Variants in LRRD1 observed in about 807,000 individuals in gnomAD.
The protein encoded by LRRD1 is leucine rich repeats and death domain containing 1, also known as leucine-rich repeat and death domain-containing protein 1.
A neutral mutation model predicts 69.5 loss-of-function variants in LRRD1; 49 were observed. That is an observed-to-expected ratio of 0.70 (90% CI 0.56 to 0.89). The LOEUF is 0.89. LRRD1 is among the 40% of genes least tolerant of loss of function. The pLI, the probability that LRRD1 is intolerant of heterozygous loss-of-function variation, is 0.00. For missense variants in LRRD1, 853 were observed against 956.0 expected, an observed-to-expected ratio of 0.89 and a Z score of 1.42; for synonymous variants, 303 against 338.9, an observed-to-expected ratio of 0.89 and a Z score of 1.16.
At chr7:92,143,306 G>T (rs1012195343), downstream of LRRD1, among the ~76,000 whole-genome samples, 2 of 152,118 alleles carry the variant, frequency 1.3e-5, no homozygotes, top group African/African-American at 2.4e-5. Flanking sequence ...GACTTCACCC[G>T]GTGGATCCCG....
In LRRD1 at chr7:92,144,999, A is replaced by G. The variant is rs1820281889; in HGVS notation, c.2472T>C (p.Thr824=). The change falls in exon 6 of 6, where the codon ACT becomes ACC. Residue 824 remains threonine (T), a synonymous_variant. Coordinates refer to ENST00000458448, the MANE Select transcript of LRRD1 (RefSeq NM_001161528.2). ...WKTQSNKLSL[T]AAALRDQLIR... ...TTAGTTGATCTCTTAAAGCAGCAGCAGTTAGTGATAACTTGTTACTTTGTG... is the reference window on the plus strand; with the variant it reads ...TTAGTTGATCTCTTAAAGCAGCAGCGGTTAGTGATAACTTGTTACTTTGTG... 17 of 1,542,098 alleles carry G rather than the reference A, an allele frequency of 1.1e-5. No individual in the cohort carries two copies. Among genetic ancestry groups the G allele is most frequent in the Non-Finnish European group, 1.5e-5 (17 of 1,141,028 alleles).
rs768036055 is a variant in LRRD1, at chr7:92,150,642, C to T, written c.2170G>A (p.Glu724Lys). 6.4e-7 allele frequency: 1 copy of T among 1,550,652 alleles called. No individual in the cohort carries two copies. Among genetic ancestry groups the T allele is most frequent in the Non-Finnish European group, 8.7e-7 (1 of 1,146,048 alleles). Residue 724 changes from glutamate to lysine, a missense_variant, in exon 4 of 6, where the codon GAG (glutamate) becomes AAG (lysine). Physicochemically the swap from Glu to Lys is moderately conservative, Grantham distance 56. This residue lies in a region of LRRD1 where 739 missense variants were observed against 808.0 expected (regional missense o/e 0.91). Coordinates refer to ENST00000458448, the MANE Select transcript of LRRD1 (RefSeq NM_001161528.2). ...AAAGGGTTGTCATCAAAATTTATCT[C>T]CTTCAGTGAAAAAATATTGTAGATA... ...SAIYNIFSLKEINFDDNPLLR... is the reference protein window; with the variant it reads ...SAIYNIFSLKKINFDDNPLLR...
At chr7:92,159,467 T>TTCCCATCACTCAGTGTTCATTACC (rs924602582) in intron 2 of LRRD1, among the ~76,000 whole-genome samples, 7 of 152,004 alleles carry the variant, frequency 4.6e-5, no homozygotes, top group Non-Finnish European at 8.8e-5. Context: ...TTTGCTCACA[T>TTCCCATCACTCAGTGTTCATTACC]TCCCATCACT....
Position 92,159,124 on chromosome 7 carries a change from ATC to A in LRRD1, c.1995_1996del (p.Glu665AspfsTer13), listed in dbSNP as rs1788743885. On this transcript the variant is annotated frameshift_variant, in exon 3 of 6. Coordinates refer to ENST00000458448, the MANE Select transcript of LRRD1 (RefSeq NM_001161528.2). LOFTEE classifies it high-confidence loss of function. ...TCTCAATTCTCCTATATTTCTTGGA[ATC>A]TCTCTGATTGCATTATTTGAGATAT... 1 of 1,548,134 alleles carries A rather than the reference ATC, an allele frequency of 6.5e-7. No homozygotes were observed. The highest frequency in any genetic ancestry group is 8.7e-7 in the Non-Finnish European group (1 of 1,145,470).
In LRRD1 at chr7:92,163,399, T is replaced by C. The variant is rs776526521; in HGVS notation, c.1804A>G (p.Lys602Glu). Residue 602 changes from lysine (K) to glutamate (E), a missense_variant, in exon 2 of 6, where the codon AAA becomes GAA. Around this residue, in one of 3 missense-constraint regions of LRRD1, gnomAD observed 739 missense variants for 808.0 expected, o/e 0.91. Coordinates refer to ENST00000458448, the MANE Select transcript of LRRD1 (RefSeq NM_001161528.2). ...QKISSDICNL[K>E]GIQKLNFSSN... ...GAGAAGTTTAATTTCTGGATTCCTTTTAAATTACAGATGTCTGAAGAGATT... is the reference window on the plus strand; with the variant it reads ...GAGAAGTTTAATTTCTGGATTCCTTCTAAATTACAGATGTCTGAAGAGATT... The C allele has an allele frequency of 3.9e-6, 6 of 1,548,010 alleles. No homozygotes were observed. The South Asian group carries it at 4.8e-5, about 12-fold the overall frequency.
chr7:92,169,505 G>T (rs1789001877), intron 1 of LRRD1, among the ~76,000 whole-genome samples: 1 of 151,846 alleles, frequency 6.6e-6, no homozygotes, highest in Non-Finnish European at 1.5e-5. Context: ...ACAAAAATTA[G>T]CCGGGCGTGG....
At position 92,173,482 on chromosome 7, in the gene LRRD1, T is replaced by C. The variant is rs559794372; in HGVS notation, c.-75+5525A>G. On this transcript the variant is annotated intron_variant, in intron 1 of 5. Coordinates refer to ENST00000458448, the MANE Select transcript of LRRD1 (RefSeq NM_001161528.2). ...GAATTAACCAGAATATGTAAGGAGC[T>C]CAAACAACTTAAAAGGAAAAAAAAT... Among the ~76,000 whole-genome samples, 13 of 152,092 alleles carry C rather than the reference T, an allele frequency of 8.5e-5. No homozygotes were observed. The South Asian group carries it at 1.9e-3, about 22-fold the overall frequency.
At chr7:92,151,435 AC>A (rs1278045465) in intron 3 of LRRD1, among the ~76,000 whole-genome samples, 1 of 152,204 alleles carries the variant, frequency 6.6e-6, no homozygotes, top group Non-Finnish European at 1.5e-5. Context: ...TATCAGAGAT[AC>A]CTCATATCCG....
intron 2 of LRRD1, 59 bp from the exon 3 acceptor site, chr7:92,159,262 A>G: frequency 9.2e-7 from 1 of 1,085,884 alleles, no homozygotes; most frequent in Non-Finnish European, 1.2e-6. Context: ...GCATGACTAA[A>G]ACTTCTTCTA....
intron 1 of LRRD1, among the ~76,000 whole-genome samples, chr7:92,174,510 T>TA (rs1491100533): frequency 0.053 from 654 of 12,420 alleles, 14 homozygotes; most frequent in East Asian, 0.2. Flanking sequence ...TATATATATA[T>TA]TTTTTTTTTT....
At chr7:92,168,091 C>G (rs1449758119) in intron 1 of LRRD1, among the ~76,000 whole-genome samples, 1 of 151,974 alleles carries the variant, frequency 6.6e-6, no homozygotes, top group Non-Finnish European at 1.5e-5. Context: ...TCCCAGAACT[C>G]AAACATGAGG....
At chr7:92,161,899 G>C (rs1390485904) in intron 2 of LRRD1, among the ~76,000 whole-genome samples, 2 of 152,188 alleles carry the variant, frequency 1.3e-5, no homozygotes, top group Non-Finnish European at 2.9e-5. Flanking sequence ...ATCAGCTCTA[G>C]TCATGTAGAC....
chr7:92,170,111 A>G (rs1789017323), intron 1 of LRRD1, among the ~76,000 whole-genome samples: 1 of 150,246 alleles, frequency 6.7e-6, no homozygotes, highest in African/African-American at 2.5e-5. Flanking sequence ...AGAGAGAGAG[A>G]GGAAGGAAGG....
At position 92,163,640 on chromosome 7, in the gene LRRD1, T is replaced by A; in HGVS notation, c.1563A>T (p.Lys521Asn). The A allele has an allele frequency of 6.6e-7, 1 of 1,510,252 alleles. No homozygotes were observed. The highest frequency in any genetic ancestry group is 1.3e-5 in the South Asian group (1 of 77,354). The allele number at this position is 1,510,252 out of a possible 1,614,324, so 93.6% of individuals were successfully genotyped here. A position where few individuals can be genotyped will look rare whatever the true frequency, so the allele number is the denominator to read the frequency against. Residue 521 changes from lysine to asparagine, a missense_variant, in exon 2 of 6, where the codon AAA becomes AAT. This residue lies in a region of LRRD1 where 739 missense variants were observed against 808.0 expected (regional missense o/e 0.91). Coordinates refer to ENST00000458448, the MANE Select transcript of LRRD1 (RefSeq NM_001161528.2). ...QLLHLELSEN[K>N]LLIFSEHFCS... is the part of the protein sequence containing the mutation. ...AAAAGTGCTCAGAAAATATGAGGAG[T>A]TTGTTTTCACTCAATTCTAAATGAA...
rs1373598314 is a variant in LRRD1 at position 92,164,482 on chromosome 7, A to T, written c.721T>A (p.Phe241Ile). ...SQLGNIRQLFFYNNYIENFPS... is the reference protein window; with the variant it reads ...SQLGNIRQLFIYNNYIENFPS... ...AAATTTTCAATGTAATTGTTATAAA[A>T]AAAGAGTTGTCTGATATTCCCAAGC... Residue 241 changes from phenylalanine to isoleucine, a missense_variant, in exon 2 of 6, where the codon TTT (phenylalanine) becomes ATT (isoleucine). Coordinates refer to ENST00000458448, the MANE Select transcript of LRRD1 (RefSeq NM_001161528.2). The T allele has an allele frequency of 6.5e-7, 1 of 1,550,098 alleles. No individual in the cohort carries two copies. The highest frequency in any genetic ancestry group is 1.4e-5 in the African/African-American group (1 of 72,940).
intron 1 of LRRD1, among the ~76,000 whole-genome samples, chr7:92,169,224 C>T (rs1788993716): frequency 6.6e-6 from 1 of 151,692 alleles, no homozygotes; most frequent in Non-Finnish European, 1.5e-5. Flanking sequence ...CTTAAAACTG[C>T]CATTTTAAGG....
intron 1 of LRRD1, among the ~76,000 whole-genome samples, chr7:92,167,408 A>G (rs973996807): frequency 6.6e-6 from 1 of 151,450 alleles, no homozygotes; most frequent in East Asian, 1.9e-4. Context: ...TGGTAATTGC[A>G]CTATGATTAT....
At position 92,164,367 on chromosome 7, in the gene LRRD1, A is replaced by G. The variant is rs1485603580; in HGVS notation, c.836T>C (p.Leu279Ser). Reference protein sequence around the residue: ...LRHIPDTLPSLKTLRVLNLEY... With the variant: ...LRHIPDTLPSSKTLRVLNLEY... ...CAAATTGAGAACCCTCAAGGTTTTT[A>G]AACTAGGCAGAGTATCTGGTATATG... Residue 279 changes from leucine to serine, a missense_variant, in exon 2 of 6, where the codon TTA (leucine) becomes TCA (serine). Transcript: ENST00000458448. The G allele has an allele frequency of 6.5e-7, 1 of 1,549,444 alleles. No individual in the cohort carries two copies. Among genetic ancestry groups the G allele is most frequent in the South Asian group, 1.2e-5 (1 of 83,808 alleles).
Position 92,150,566 on chromosome 7 carries a change from G to T in LRRD1, c.2246C>A (p.Ala749Glu). ...TTCATCTGCCCTCTGTAGATAGCGT[G>T]CAATAGTATACAACTGTTTTCCTTT... ...ICKGKQLYTI[A>E]RYLQRADERD... The change falls in exon 4 of 6, where the codon GCA becomes GAA. Residue 749 changes from alanine to glutamate, a missense_variant. Ala to Glu is a moderately radical substitution (Grantham distance 107). This residue lies in a region of LRRD1 where 739 missense variants were observed against 808.0 expected (regional missense o/e 0.91). Transcript: ENST00000458448. 3 of 1,551,326 alleles carry T rather than the reference G, an allele frequency of 1.9e-6. No homozygotes were observed. The highest frequency in any genetic ancestry group is 8.7e-7 in the Non-Finnish European group (1 of 1,146,774).
Sources: gnomAD v4.1 joint callset for allele counts (sites outside exome capture counted in the v4.1 genomes callset) on GRCh38, gnomAD v4.1.1 for gene constraint, gnomAD v4.1.1 regional missense constraint, MANE v1.5 for transcripts, NCBI Gene and HGNC (gene_info 2026-07-23, HGNC 2026-07-21) for gene names.